Variants in WDR20 observed in about 807,000 individuals in gnomAD.
WDR20 encodes the protein WD repeat domain 20.
In WDR20, 3 loss-of-function variants were observed where a neutral mutation model predicts 38.7. That is an observed-to-expected ratio of 0.08 (90% CI 0.04 to 0.20). The LOEUF (loss-of-function observed/expected upper bound fraction) is 0.20. WDR20 is among the 10% of genes least tolerant of loss of function. The pLI is 1.00. For synonymous variants in WDR20, 298 were observed against 285.6 expected (o/e 1.04, Z -0.44); for missense variants, 559 against 727.7 (o/e 0.77, Z 2.67).
intron 1 of WDR20, chr14:102,167,545 C>T (rs761388688): frequency 6.6e-6 from 1 of 152,204 alleles, no homozygotes; most frequent in Non-Finnish European, 1.5e-5. Flanking sequence ...ATACTGTTTC[C>T]TTTGCCTGGA....
At chr14:102,165,050 G>A (rs184795931) in intron 1 of WDR20, among the ~76,000 whole-genome samples, 118 of 152,334 alleles carry the variant, frequency 7.7e-4, no homozygotes, top group East Asian at 5.8e-3. Context: ...GCCTTCTTGA[G>A]AGTGGTTTTT....
At chr14:102,166,333 T>G (rs2059780452) in intron 1 of WDR20, among the ~76,000 whole-genome samples, 1 of 152,236 alleles carries the variant, frequency 6.6e-6, no homozygotes, top group Non-Finnish European at 1.5e-5. Flanking sequence ...TTTTATGATA[T>G]TGGTTGTTTG....
intron 1 of WDR20, among the ~76,000 whole-genome samples, chr14:102,192,598 A>G (rs991693660): frequency 2.0e-5 from 3 of 152,226 alleles, no homozygotes; most frequent in Non-Finnish European, 4.4e-5. Flanking sequence ...AACTGAAGCC[A>G]TTATAGTTGT....
At chr14:102,175,858 C>CT (rs1364841521) in intron 1 of WDR20, among the ~76,000 whole-genome samples, 2 of 152,086 alleles carry the variant, frequency 1.3e-5, no homozygotes, top group Non-Finnish European at 2.9e-5. Context: ...AGCTTGGTCG[C>CT]TGTTGGTATA....
intron 1 of WDR20, among the ~76,000 whole-genome samples, chr14:102,174,699 G>A (rs570014354): frequency 1.3e-5 from 2 of 152,174 alleles, no homozygotes; most frequent in Admixed American, 6.6e-5. Context: ...GACTACAGGC[G>A]TGAGCCACCA....
At chr14:102,166,171 G>A (rs1052957377) in intron 1 of WDR20, among the ~76,000 whole-genome samples, 4 of 137,800 alleles carry the variant, frequency 2.9e-5, no homozygotes, top group African/African-American at 1.1e-4. Context: ...GGCAGAGACC[G>A]GGTTTTGCCG....
At chr14:102,148,147 T>C (rs1340347300) in intron 1 of WDR20, among the ~76,000 whole-genome samples, 2 of 152,208 alleles carry the variant, frequency 1.3e-5, no homozygotes, top group Admixed American at 6.5e-5. Flanking sequence ...AATGTGATCT[T>C]GTTTGGTTAT....
Position 102,209,841 on chromosome 14 carries a change from A to C in WDR20, c.1671A>C (p.Thr557=), listed in dbSNP as rs1466119187. Residue 557 remains threonine (T), a synonymous_variant, in exon 3 of 3, where the codon ACA becomes ACC. Coordinates refer to ENST00000342702, the MANE Select transcript of WDR20 (RefSeq NM_144574.4). This position sits in a 1 kb window ranked among gnomAD's most constrained non-coding sequence, Gnocchi z 6.0. The part of the protein sequence containing the change: ...VTACQEGFIC[T]WGRPGKVVSF... ...CTTGTCAGGAGGGATTTATTTGCAC[A>C]TGGGGAAGGCCTGGTAAAGTGGTAA... 6.2e-7 allele frequency: 1 copy of C among 1,613,348 alleles called. No individual in the cohort carries two copies. Among genetic ancestry groups the C allele is most frequent in the Admixed American group, 1.7e-5 (1 of 59,998 alleles).
intron 1 of WDR20, among the ~76,000 whole-genome samples, chr14:102,170,058 C>A (rs2060507338): frequency 6.6e-6 from 1 of 152,138 alleles, no homozygotes; most frequent in Non-Finnish European, 1.5e-5. Context: ...TTTTAATACA[C>A]AAAATTACAG....
At chr14:102,163,736 G>A (rs911390278) in intron 1 of WDR20, among the ~76,000 whole-genome samples, 1 of 151,390 alleles carries the variant, frequency 6.6e-6, no homozygotes, top group Admixed American at 6.6e-5. Flanking sequence ...AATTCTTTTG[G>A]GATAACCCAG....
downstream of WDR20, chr14:102,213,281 A>G (rs2062784970): frequency 2.0e-6 from 2 of 985,374 alleles, no homozygotes; most frequent in East Asian, 1.1e-4. Context: ...GAACCTTTGG[A>G]AAAGCTTGCC....
downstream of WDR20, chr14:102,214,487 G>C (rs979795821): frequency 4.1e-6 from 4 of 985,332 alleles, no homozygotes; most frequent in Admixed American, 1.2e-4. Context: ...GAGGGAGACT[G>C]TCTCACTGAT....
chr14:102,198,902 C>T (rs1007483433), intron 2 of WDR20, among the ~76,000 whole-genome samples: 17 of 152,104 alleles, frequency 1.1e-4, no homozygotes, highest in East Asian at 3.9e-4. Flanking sequence ...TTGCTAAGTT[C>T]GAGAGACCTG....
chr14:102,142,774 C>CTGTTTTTTT (rs1193456475), intron 1 of WDR20, among the ~76,000 whole-genome samples: 2 of 85,038 alleles, frequency 2.4e-5, no homozygotes, highest in African/African-American at 8.6e-5. Context: ...GCTGTTTTGA[C>CTGTTTTTTT]TTTTTTTTTT....
chr14:102,170,767 A>G (rs2060642130), intron 1 of WDR20, among the ~76,000 whole-genome samples: 1 of 152,024 alleles, frequency 6.6e-6, no homozygotes, highest in Non-Finnish European at 1.5e-5. Flanking sequence ...AGCTGAGACT[A>G]TAGGCATGCA....
intron 2 of WDR20, among the ~76,000 whole-genome samples, chr14:102,203,659 T>C (rs1025483287): frequency 6.6e-6 from 1 of 151,998 alleles, no homozygotes; most frequent in Non-Finnish European, 1.5e-5. Flanking sequence ...TGGCCCCTGG[T>C]GCTTCTGCCA....
chr14:102,196,541 G>A lies in WDR20; in HGVS notation c.432+1421G>A, dbSNP rs569679378. Among the ~76,000 whole-genome samples the A allele has an allele frequency of 7.9e-5, 12 of 152,238 alleles. No homozygotes were observed. In the East Asian group the frequency reaches 2.3e-3, roughly 29 times the overall value. ...GGTAGGGGAGAGTGTGATTGGAGGG[G>A]GCAGGGATTGGAGCCATGTAAGGGC... On this transcript the variant is annotated intron_variant, in intron 2 of 2. Coordinates refer to ENST00000342702, the MANE Select transcript of WDR20 (RefSeq NM_144574.4).
At position 102,172,932 on chromosome 14, in the gene WDR20, G is replaced by A. The variant is rs1024909886; in HGVS notation, c.250-22006G>A. ...CAGCGACGCTCCTCACCTCCCAGAC[G>A]GGGTCGCGACTGGGCAGAGGCGCTC... is the stretch of plus-strand genomic sequence containing the variant. On this transcript the variant is annotated intron_variant, in intron 1 of 2. Coordinates refer to ENST00000342702, the MANE Select transcript of WDR20 (RefSeq NM_144574.4). Among the ~76,000 whole-genome samples, 2 of 149,916 alleles carry A rather than the reference G, an allele frequency of 1.3e-5. 1 individual carries two copies. Among genetic ancestry groups the A allele is most frequent in the Admixed American group, 1.3e-4 (2 of 15,094 alleles).
chr14:102,156,813 T>C (rs768696706), intron 1 of WDR20, among the ~76,000 whole-genome samples: 3 of 151,788 alleles, frequency 2.0e-5, no homozygotes, highest in South Asian at 2.1e-4. Flanking sequence ...CTGACCAACA[T>C]GGTGAAACCC....
Sources: allele counts gnomAD v4.1 joint callset (sites outside exome capture counted in the v4.1 genomes callset), GRCh38; gene constraint gnomAD v4.1.1; non-coding constraint Gnocchi (gnomAD v3.1); transcripts MANE v1.5; gene names NCBI Gene and HGNC (gene_info 2026-07-23, HGNC 2026-07-21).